The following CCDC74A variants were observed in gnomAD, a reference collection of about 807,000 sequenced individuals.
CCDC74A encodes the protein coiled-coil domain containing 74A.
Under a neutral mutation model 37.6 loss-of-function variants are expected in CCDC74A, and 38 were observed. The ratio of observed to expected loss-of-function variants is 1.01; its 90% confidence interval spans 0.78 to 1.33. The LOEUF (loss-of-function observed/expected upper bound fraction) is 1.33. Among genes scored for constraint, CCDC74A ranks in the 40% most tolerant of loss-of-function variants. The pLI is 0.00. For synonymous variants in CCDC74A, 134 were observed against 165.2 expected (o/e 0.81, Z 1.45); for missense variants, 340 against 403.4 (o/e 0.84, Z 1.35).
chr2:131,524,485 T>C (rs1292671718), upstream of CCDC74A, among the ~76,000 whole-genome samples: 3 of 152,148 alleles, frequency 2.0e-5, no homozygotes, highest in Non-Finnish European at 4.4e-5. Context: ...AGCTTCCCTA[T>C]AGCTTGCAGG....
At chr2:131,523,259 C>T (rs987035203), upstream of CCDC74A, among the ~76,000 whole-genome samples, 12 of 152,116 alleles carry the variant, frequency 7.9e-5, no homozygotes, top group Non-Finnish European at 1.8e-4. Context: ...CCTTGACTCC[C>T]GAAGCCAGAA....
intron 1 of CCDC74A, among the ~76,000 whole-genome samples, chr2:131,529,021 C>T (rs1680716325): frequency 7.3e-6 from 1 of 137,530 alleles, no homozygotes; most frequent in African/African-American, 2.8e-5. Flanking sequence ...GCCCCCCTTT[C>T]TCCCTCCCTC....
intron 7 of CCDC74A, 52 bp from the exon 8 acceptor site, chr2:131,533,217 C>A (rs1315073112): frequency 3.1e-6 from 5 of 1,610,256 alleles, no homozygotes; most frequent in African/African-American, 1.3e-5. Context: ...GCACTCCCCA[C>A]ACACTCCACT....
chr2:131,530,184 T>A, intron 2 of CCDC74A: 1 of 1,549,224 alleles, frequency 6.5e-7, no homozygotes, highest in Non-Finnish European at 8.7e-7. Context: ...GAGTCCTGTT[T>A]CCTTGCCACT....
chr2:131,533,099 G>A, intron 7 of CCDC74A, 30 bp downstream of exon 7: 2 of 1,612,980 alleles, frequency 1.2e-6, no homozygotes, highest in Non-Finnish European at 1.7e-6. Flanking sequence ...GGACAGTGGG[G>A]CAGCCCTGCA....
upstream of CCDC74A, chr2:131,527,841 G>C (rs1680431701): frequency 7.5e-7 from 1 of 1,340,028 alleles, no homozygotes; most frequent in African/African-American, 1.6e-5. Context: ...GCCAGCGACA[G>C]GCCCCGCCCC....
upstream of CCDC74A, among the ~76,000 whole-genome samples, chr2:131,523,473 C>G (rs532955556): frequency 2.6e-5 from 4 of 152,104 alleles, no homozygotes; most frequent in East Asian, 1.9e-4. Context: ...ACTAAAAATA[C>G]AAAAATTAGC....
chr2:131,531,788 A>T lies in CCDC74A; in HGVS notation c.471A>T (p.Val157=). Residue 157 remains valine (V), a synonymous_variant, in exon 4 of 8, where the codon GTA becomes GTT. Transcript: ENST00000409856. ...HNSKLDKVPG[V]QGQARKEKAE... ...GCAAGCTGGACAAAGTTCCTGGGGT[A>T]CAAGGGCAGGCCAGGTAAGGCTTGG... The T allele has an allele frequency of 6.7e-7, 1 of 1,503,444 alleles. No individual in the cohort carries two copies. The highest frequency in any genetic ancestry group is 8.8e-7 in the Non-Finnish European group (1 of 1,133,596). 93.1% of individuals were successfully genotyped at this position (1,503,444 alleles called of 1,614,324 possible).
At chr2:131,524,886 C>CAA (rs57589680), upstream of CCDC74A, among the ~76,000 whole-genome samples, 2,952 of 98,078 alleles carry the variant, frequency 0.03, 89 homozygotes, top group Non-Finnish European at 0.043. Context: ...CATAGTAAGA[C>CAA]AAAAAAAAAA....
chr2:131,529,011 G>GC (rs1309521590), intron 1 of CCDC74A, among the ~76,000 whole-genome samples: 5 of 134,544 alleles, frequency 3.7e-5, no homozygotes, highest in African/African-American at 1.4e-4. Context: ...TCACCCCCAC[G>GC]CCCCCCTTTC....
Position 131,528,167 on chromosome 2 carries a change from A to G in CCDC74A, c.197A>G (p.Glu66Gly), listed in dbSNP as rs1680495013. The G allele has an allele frequency of 6.2e-7, 1 of 1,613,762 alleles. No homozygotes were observed. The highest frequency in any genetic ancestry group is 8.5e-7 in the Non-Finnish European group (1 of 1,179,832). Residue 66 changes from glutamate (E) to glycine (G), a missense_variant, in exon 1 of 8, where the codon GAG (glutamate) becomes GGG (glycine). Glu to Gly is a moderately conservative substitution (Grantham distance 98). This residue lies in a region of CCDC74A where 154 missense variants were observed against 153.9 expected (regional missense o/e 1.00). Transcript: ENST00000409856. ...CAGTTCCTGCAGCAGCAGCACTCGG[A>G]GATGCTGGCCAAGCTCCATGAGGAG... ...SLQFLQQQHS[E>G]MLAKLHEEIE...
At chr2:131,526,117 A>G (rs189711134), upstream of CCDC74A, among the ~76,000 whole-genome samples, 1 of 145,468 alleles carries the variant, frequency 6.9e-6, no homozygotes, top group East Asian at 2.1e-4. Flanking sequence ...TGCTTGGCCA[A>G]CTTCTCGCAT....
Position 131,530,481 on chromosome 2 carries a change from G to A in CCDC74A, c.296-296G>A. On this transcript the variant is annotated intron_variant, in intron 2 of 7. Coordinates refer to ENST00000409856, the MANE Select transcript of CCDC74A (RefSeq NM_001258306.3). ...AGTGTGGCCCAAGTCGGCAGCCCCA[G>A]CCCTGCAGTGCTGGGGACGCTGACA... 4 of 1,557,668 alleles carry A rather than the reference G, an allele frequency of 2.6e-6. No individual in the cohort carries two copies. The South Asian group carries it at 3.6e-5, about 14-fold the overall frequency.
upstream of CCDC74A, among the ~76,000 whole-genome samples, chr2:131,523,447 G>A (rs1474742723): frequency 1.3e-5 from 2 of 152,076 alleles, no homozygotes; most frequent in Non-Finnish European, 2.9e-5. Context: ...GGCCAACATG[G>A]TGAAATCCCA....
intron 4 of CCDC74A, 28 bp from the exon 5 acceptor site, chr2:131,532,561 C>A: frequency 6.5e-7 from 1 of 1,539,680 alleles, no homozygotes. Context: ...GGGCAGGTCA[C>A]CTCTGGCTGC....
intron 2 of CCDC74A, 26 bp downstream of exon 2, chr2:131,529,717 G>C (rs1259984353): frequency 6.2e-7 from 1 of 1,612,052 alleles, no homozygotes; most frequent in African/African-American, 1.3e-5. Context: ...TTCAGTGACT[G>C]ATGGGATGCT....
chr2:131,532,493 C>T (rs574958611), intron 4 of CCDC74A, 96 bp from the exon 5 acceptor site: 1 of 1,411,012 alleles, frequency 7.1e-7, no homozygotes, highest in African/African-American at 1.4e-5. Context: ...GCCCTCTTCC[C>T]CACATTGGCC....
At position 131,533,435 on chromosome 2, in the gene CCDC74A, T is replaced by C. The variant is rs1459676805; in HGVS notation, c.*37T>C. The C allele has an allele frequency of 6.2e-7, 1 of 1,609,372 alleles. No homozygotes were observed. The highest frequency in any genetic ancestry group is 1.7e-5 in the Admixed American group (1 of 59,862). ...CTGGTCAGTGCCAGGCCCACCAACC[T>C]GCAGCTGGAGACTGGCTCTCTATAG... On this transcript the variant is annotated 3_prime_UTR_variant, in exon 8 of 8. Coordinates refer to ENST00000409856, the MANE Select transcript of CCDC74A (RefSeq NM_001258306.3).
chr2:131,533,206 C>T (rs1249385884), intron 7 of CCDC74A, 63 bp from the exon 8 acceptor site: 54 of 1,608,216 alleles, frequency 3.4e-5, no homozygotes, highest in Non-Finnish European at 4.3e-5. Flanking sequence ...CCATGCAGGC[C>T]GCACTCCCCA....
Sources: allele counts gnomAD v4.1 joint callset (sites outside exome capture counted in the v4.1 genomes callset), GRCh38; gene constraint gnomAD v4.1.1; regional missense constraint gnomAD v4.1.1; transcripts MANE v1.5; gene names NCBI Gene and HGNC (gene_info 2026-07-23, HGNC 2026-07-21).